The following INSL6 variants were observed in gnomAD, a reference collection of about 807,000 sequenced individuals.
INSL6 encodes the protein insulin-like peptide INSL6.
Under a neutral mutation model 9.4 loss-of-function variants are expected in INSL6, and 16 were observed. The ratio of observed to expected loss-of-function variants is 1.70; its 90% CI spans 1.15 to 2.59. The LOEUF is 2.59. Among genes scored for constraint, INSL6 ranks in the 30% most tolerant of loss-of-function variants. The probability of loss-of-function intolerance (pLI) is 0.00; values close to 1 mark genes in which losing one functional copy is unlikely to be tolerated. For missense variants in INSL6, 391 were observed against 257.3 expected, an observed-to-expected ratio of 1.52 and a Z score of -3.56; for synonymous variants, 154 against 96.9, an observed-to-expected ratio of 1.59 and a Z score of -3.46.
chr9:5,134,816 G>C (rs980375800), intron 2 of INSL6, among the ~76,000 whole-genome samples: 2 of 152,120 alleles, frequency 1.3e-5, no homozygotes, highest in Non-Finnish European at 2.9e-5. Context: ...CATAATGACA[G>C]GATCAAAGTC....
chr9:5,025,354 A>G, the INSL6 span, among the ~76,000 whole-genome samples: 1 of 152,174 alleles, frequency 6.6e-6, no homozygotes, highest in Non-Finnish European at 1.5e-5. Flanking sequence ...CTGTGATAGT[A>G]TACTTAAGAT....
chr9:5,163,252 C>T (rs917946075), downstream of INSL6, among the ~76,000 whole-genome samples: 6 of 152,128 alleles, frequency 3.9e-5, no homozygotes, highest in Non-Finnish European at 5.9e-5. Flanking sequence ...TAAGGGACCA[C>T]GCTTTAAGAA....
At chr9:5,148,789 G>C (rs1824652548) in intron 2 of INSL6, among the ~76,000 whole-genome samples, 1 of 152,170 alleles carries the variant, frequency 6.6e-6, no homozygotes, top group African/African-American at 2.4e-5. Flanking sequence ...TGGTGTGGTG[G>C]GAGATCCAAA....
chr9:5,043,842 G>A, the INSL6 span, among the ~76,000 whole-genome samples: 1 of 152,228 alleles, frequency 6.6e-6, no homozygotes, highest in Non-Finnish European at 1.5e-5. Flanking sequence ...AAAGAAGGCA[G>A]ACAGAAAGGC....
At chr9:5,041,165 G>A in the INSL6 span, 1 of 1,230,814 alleles carries the variant, frequency 8.1e-7, no homozygotes, top group African/African-American at 1.5e-5. Flanking sequence ...CATGGATTAT[G>A]TGCACACCAA....
chr9:5,020,294 C>G, the INSL6 span, among the ~76,000 whole-genome samples: 2 of 152,172 alleles, frequency 1.3e-5, no homozygotes, highest in African/African-American at 2.4e-5. Context: ...GTGGAATGCT[C>G]AGTTGACACT....
chr9:5,151,305 A>T (rs1383342009), intron 2 of INSL6, among the ~76,000 whole-genome samples: 2 of 152,224 alleles, frequency 1.3e-5, no homozygotes, highest in African/African-American at 4.8e-5. Flanking sequence ...AAGACACTGC[A>T]GGAAAAATCT....
chr9:5,155,928 G>GA (rs879341640), intron 2 of INSL6, among the ~76,000 whole-genome samples: 37 of 148,454 alleles, frequency 2.5e-4, no homozygotes, highest in African/African-American at 7.4e-4. Flanking sequence ...TTTAAAAAAA[G>GA]AAAAAAAAAG....
intron 1 of INSL6, among the ~76,000 whole-genome samples, chr9:5,166,108 A>G (rs1228947706): frequency 6.6e-6 from 1 of 152,248 alleles, no homozygotes; most frequent in Non-Finnish European, 1.5e-5. Context: ...AACCAAAGCT[A>G]GAAGGATTCT....
At chr9:5,045,526 C>T in the INSL6 span, among the ~76,000 whole-genome samples, 2 of 152,152 alleles carry the variant, frequency 1.3e-5, no homozygotes, top group Admixed American at 6.5e-5. Context: ...GAACATTTTT[C>T]ATCTTCCCAA....
chr9:5,004,941 G>C, the INSL6 span, among the ~76,000 whole-genome samples: 2 of 145,864 alleles, frequency 1.4e-5, no homozygotes, highest in East Asian at 2.0e-4. Context: ...TTTTGAGACA[G>C]AGTCTTGCTC....
chr9:5,020,275 G>C, the INSL6 span, among the ~76,000 whole-genome samples: 1 of 152,198 alleles, frequency 6.6e-6, no homozygotes, highest in South Asian at 2.1e-4. Flanking sequence ...CACATCCTCA[G>C]ACCCCCAGGT....
At chr9:5,104,054 A>G in the INSL6 span, among the ~76,000 whole-genome samples, 1 of 152,344 alleles carries the variant, frequency 6.6e-6, no homozygotes, top group South Asian at 2.1e-4. Context: ...AGAAGGCAAG[A>G]AATAACTAAG....
At chr9:5,080,296 A>T in the INSL6 span, 1 of 1,613,438 alleles carries the variant, frequency 6.2e-7, no homozygotes, top group African/African-American at 1.3e-5. Context: ...TAAATTTGGC[A>T]ACAGACAAAT....
At chr9:5,073,587 G>C in the INSL6 span, 3 of 802,652 alleles carry the variant, frequency 3.7e-6, no homozygotes, top group Non-Finnish European at 6.3e-6. Flanking sequence ...CTCATCTATA[G>C]TCATGCTGAA....
the INSL6 span, chr9:5,077,557 T>C: frequency 6.7e-7 from 1 of 1,492,404 alleles, no homozygotes; most frequent in Non-Finnish European, 8.9e-7. Context: ...TGCTAAACAG[T>C]TGGCATGGGC....
the INSL6 span, among the ~76,000 whole-genome samples, chr9:5,002,067 T>C: frequency 6.6e-6 from 1 of 151,992 alleles, no homozygotes; most frequent in Admixed American, 6.5e-5. Context: ...TGTGTTCTTT[T>C]CTGTTTGTAA....
the INSL6 span, among the ~76,000 whole-genome samples, chr9:5,014,873 G>T: frequency 6.6e-6 from 1 of 151,890 alleles, no homozygotes; most frequent in Non-Finnish European, 1.5e-5. Flanking sequence ...CTATCTTGCA[G>T]AAGTAACCAT....
chr9:5,069,886 T>C, the INSL6 span: 1 of 1,358,290 alleles, frequency 7.4e-7, no homozygotes, highest in South Asian at 1.4e-5. Flanking sequence ...ATACTTTCAG[T>C]GTATTTTGAA....
Sources: allele counts gnomAD v4.1 joint callset (sites outside exome capture counted in the v4.1 genomes callset), GRCh38; gene constraint gnomAD v4.1.1; transcripts MANE v1.5; gene names NCBI Gene and HGNC (gene_info 2026-07-23, HGNC 2026-07-21).